CD40: variants seen among roughly 807,000 people sequenced by gnomAD.
CD40 encodes the protein CD40 molecule, also known as tumor necrosis factor receptor superfamily member 5.
In CD40, 19 loss-of-function variants were observed where a neutral mutation model predicts 38.5. That is an observed-to-expected ratio of 0.49 (90% CI 0.34 to 0.72). The LOEUF (loss-of-function observed/expected upper bound fraction) is 0.72, where lower values mean the gene tolerates loss of function less well. CD40 is among the 30% of genes least tolerant of loss of function. The probability of loss-of-function intolerance (pLI) is 0.01; values close to 1 mark genes in which losing one functional copy is unlikely to be tolerated. For missense variants in CD40, 256 were observed against 344.1 expected (o/e 0.74, Z 2.03); for synonymous variants, 130 against 128.7 (o/e 1.01, Z -0.07).
In CD40 at chr20:46,121,852, A is replaced by G. The variant is rs760957101; in HGVS notation, c.84A>G (p.Glu28=). The change falls in exon 2 of 9, where the codon GAA becomes GAG. Residue 28 remains glutamate (E), a synonymous_variant. Transcript: ENST00000372285. ...VHPEPPTACR[E]KQYLINSQCC... ...CAGAACCACCCACTGCATGCAGAGAAAAACAGTACCTAATAAACAGTCAGT... is the reference window on the plus strand; with the variant it reads ...CAGAACCACCCACTGCATGCAGAGAGAAACAGTACCTAATAAACAGTCAGT... 1 of 1,614,186 alleles carries G rather than the reference A, an allele frequency of 6.2e-7. No homozygotes were observed. The highest frequency in any genetic ancestry group is 1.1e-5 in the South Asian group (1 of 91,088).
In CD40 at chr20:46,122,048, C is replaced by G; in HGVS notation, c.130+150C>G. 1 of 1,015,684 alleles carries G rather than the reference C, an allele frequency of 9.8e-7. No individual in the cohort carries two copies. Among genetic ancestry groups the G allele is most frequent in the South Asian group, 1.3e-5 (1 of 74,880 alleles). The allele number at this position is 1,015,684 out of a possible 1,614,324, so 62.9% of individuals were successfully genotyped here. A position where few individuals can be genotyped will look rare whatever the true frequency, so the allele number is the denominator to read the frequency against. ...CAGAATGTTCTGGTTCCCTCTCTAC[C>G]AGGTAAAACTCTGTCTACCCTGAAC... On this transcript the variant is annotated intron_variant, in intron 2 of 8. Coordinates refer to ENST00000372285, the MANE Select transcript of CD40 (RefSeq NM_001250.6). This position sits in a 1 kb window ranked among gnomAD's most constrained non-coding sequence, Gnocchi z 5.0.
At chr20:46,119,035 A>T (rs1568903133) in intron 1 of CD40, among the ~76,000 whole-genome samples, 1 of 150,790 alleles carries the variant, frequency 6.6e-6, no homozygotes, top group Non-Finnish European at 1.5e-5. Context: ...AGTTTATGGG[A>T]CACAATAAAG....
chr20:46,127,992 A>C, intron 6 of CD40, 146 bp from the exon 7 acceptor site: 1 of 1,514,110 alleles, frequency 6.6e-7, no homozygotes, highest in Non-Finnish European at 9.0e-7. Context: ...TCTGCCAGCC[A>C]CATTTCCCCA....
intron 6 of CD40, 48 bp downstream of exon 6, chr20:46,126,749 C>A (rs2085445274): frequency 6.2e-7 from 1 of 1,613,566 alleles, no homozygotes; most frequent in Non-Finnish European, 8.5e-7. Context: ...AAGGTGGGAA[C>A]TGAAGGGGGA....
intron 4 of CD40, 118 bp from the exon 5 acceptor site, chr20:46,123,008 C>A: frequency 1.1e-6 from 1 of 938,796 alleles, no homozygotes; most frequent in Non-Finnish European, 1.7e-6. Flanking sequence ...AGTACCACAT[C>A]GGGGGAAGAG....
chr20:46,124,184 C>A (rs1316608191), intron 5 of CD40, among the ~76,000 whole-genome samples: 2 of 152,098 alleles, frequency 1.3e-5, no homozygotes, highest in Admixed American at 6.5e-5. Flanking sequence ...CCTGTAATCC[C>A]AGCTCCTCGG....
intron 1 of CD40, among the ~76,000 whole-genome samples, chr20:46,118,894 G>C (rs1344333341): frequency 6.6e-6 from 1 of 152,238 alleles, no homozygotes; most frequent in Admixed American, 6.5e-5. Context: ...TTTGTGAGAA[G>C]GCAAGGAGCT....
At chr20:46,123,291 C>T in intron 5 of CD40, 72 bp downstream of exon 5, 1 of 1,131,682 alleles carries the variant, frequency 8.8e-7, no homozygotes, top group Non-Finnish European at 1.4e-6. Context: ...CTCCAGCCAC[C>T]TGTCCTGTCC....
Position 46,122,169 on chromosome 20 carries a change from G to T in CD40, c.131-64G>T. 6.3e-7 allele frequency: 1 copy of T among 1,594,526 alleles called. No individual in the cohort carries two copies. The highest frequency in any genetic ancestry group is 8.6e-7 in the Non-Finnish European group (1 of 1,162,424). ...TACCCTAAAGCCTGGCCTGATCATT[G>T]TGTGGTTAGTGTCTGACTCATGGAG... On this transcript the variant is annotated intron_variant, in intron 2 of 8. Coordinates refer to ENST00000372285, the MANE Select transcript of CD40 (RefSeq NM_001250.6). This position sits in a 1 kb window ranked among gnomAD's most constrained non-coding sequence, Gnocchi z 5.0.
chr20:46,124,751 G>GTTTTTTT (rs780015926), intron 5 of CD40, among the ~76,000 whole-genome samples: 872 of 73,924 alleles, frequency 0.012, 190 homozygotes, highest in Non-Finnish European at 0.017. Flanking sequence ...CACTGGTATA[G>GTTTTTTT]TTTTTTTTTT....
At chr20:46,124,331 G>T (rs1394332811) in intron 5 of CD40, among the ~76,000 whole-genome samples, 1 of 152,114 alleles carries the variant, frequency 6.6e-6, no homozygotes, top group Non-Finnish European at 1.5e-5. Context: ...TTAACTTTTT[G>T]CATTTGATTT....
rs1464002562 is a variant in CD40, at chr20:46,122,700, G to T, written c.347G>T (p.Cys116Phe). The change falls in exon 4 of 9, where the codon TGT becomes TTT. Residue 116 changes from cysteine (C) to phenylalanine (F), a missense_variant. Coordinates refer to ENST00000372285, the MANE Select transcript of CD40 (RefSeq NM_001250.6). This position sits in a 1 kb window ranked among gnomAD's most constrained non-coding sequence, Gnocchi z 5.0. ...GGCTGGCACTGTACGAGTGAGGCCT[G>T]TGAGAGCTGTGTCCTGCACCGCTCA... ...EEGWHCTSEA[C>F]ESCVLHRSCS... 1 of 1,614,180 alleles carries T rather than the reference G, an allele frequency of 6.2e-7. No individual in the cohort carries two copies. Among genetic ancestry groups the T allele is most frequent in the Non-Finnish European group, 8.5e-7 (1 of 1,180,038 alleles).
intron 5 of CD40, among the ~76,000 whole-genome samples, chr20:46,125,172 T>C (rs11569325): frequency 0.039 from 5,990 of 151,920 alleles, 363 homozygotes; most frequent in African/African-American, 0.14. Flanking sequence ...ATCTGAAAAA[T>C]GGGAATGACC....
At position 46,121,872 on chromosome 20, in the gene CD40, G is replaced by C; in HGVS notation, c.104G>C (p.Ser35Thr). ...AGAGAAAAACAGTACCTAATAAACA[G>C]TCAGTGCTGTTCTTTGTGCCAGCCA... ...ACREKQYLIN[S>T]QCCSLCQPGQ... The change falls in exon 2 of 9, where the codon AGT becomes ACT. Residue 35 changes from serine (S) to threonine (T), a missense_variant. By Grantham distance (58) the Ser-to-Thr change is moderately conservative. Transcript: ENST00000372285. The C allele has an allele frequency of 6.2e-7, 1 of 1,614,106 alleles. No homozygotes were observed. Among genetic ancestry groups the C allele is most frequent in the Non-Finnish European group, 8.5e-7 (1 of 1,179,950 alleles).
intron 1 of CD40, among the ~76,000 whole-genome samples, chr20:46,119,323 C>G (rs1394095772): frequency 6.6e-6 from 1 of 152,198 alleles, no homozygotes; most frequent in African/African-American, 2.4e-5. Context: ...GAAGCCTGGG[C>G]AGGAATGACC....
At chr20:46,121,786 A>C in intron 1 of CD40, 34 bp from the exon 2 acceptor site, 3 of 1,548,940 alleles carry the variant, frequency 1.9e-6, no homozygotes, top group Non-Finnish European at 2.7e-6. Flanking sequence ...CGGAGATTTC[A>C]AGATCCCTTC....
rs773611902 is a variant in CD40 at position 46,118,401 on chromosome 20, T to C, written c.51+7T>C. The C allele has an allele frequency of 5.6e-6, 9 of 1,613,552 alleles. No individual in the cohort carries two copies. Among genetic ancestry groups the C allele is most frequent in the Non-Finnish European group, 7.6e-6 (9 of 1,179,802 alleles). On this transcript the variant is annotated splice_region_variant and intron_variant, in intron 1 of 8. Coordinates refer to ENST00000372285, the MANE Select transcript of CD40 (RefSeq NM_001250.6). The stretch of plus-strand genomic sequence containing the variant: ...GGGCTGCTTGCTGACCGCTGTGAGT[T>C]GTTTTTGCCCCGACCAGACGGGAGT...
intron 5 of CD40, among the ~76,000 whole-genome samples, chr20:46,125,272 G>A (rs1162695963): frequency 3.3e-5 from 5 of 151,774 alleles, no homozygotes; most frequent in Admixed American, 6.6e-5. Flanking sequence ...TAGGCCGGGC[G>A]TGGTGGCTCA....
chr20:46,120,474 A>G (rs911651952), intron 1 of CD40, among the ~76,000 whole-genome samples: 4 of 152,282 alleles, frequency 2.6e-5, no homozygotes, highest in Non-Finnish European at 5.9e-5. Flanking sequence ...TAAGGAGCAC[A>G]TGGACATAGA....
Sources: allele counts gnomAD v4.1 joint callset (sites outside exome capture counted in the v4.1 genomes callset), GRCh38; gene constraint gnomAD v4.1.1; non-coding constraint Gnocchi (gnomAD v3.1); transcripts MANE v1.5; gene names NCBI Gene and HGNC (gene_info 2026-07-23, HGNC 2026-07-21).